The following OTUD3 variants were observed in gnomAD, a reference collection of about 807,000 sequenced individuals.
The protein encoded by OTUD3 is OTU domain-containing protein 3.
Under a neutral mutation model 46.2 loss-of-function variants are expected in OTUD3, and 24 were observed. The ratio of observed to expected loss-of-function variants is 0.52; its 90% CI spans 0.38 to 0.73. The LOEUF is 0.73. OTUD3 is among the 30% of genes least tolerant of loss of function. OTUD3 has a pLI of 0.00. For synonymous variants in OTUD3, 189 were observed against 195.4 expected, an observed-to-expected ratio of 0.97 and a Z score of 0.27; for missense variants, 455 against 523.3, an observed-to-expected ratio of 0.87 and a Z score of 1.27.
chr1:19,894,320 G>T (rs1218027532), intron 2 of OTUD3, 48 bp from the exon 3 acceptor site: 1 of 1,084,850 alleles, frequency 9.2e-7, no homozygotes, highest in Non-Finnish European at 1.4e-6. Flanking sequence ...TTTGCATTTA[G>T]ATTTTTCCAC....
chr1:19,909,213 C>T lies in OTUD3; in HGVS notation c.*1467C>T, dbSNP rs1282221113. 4 of 152,166 alleles carry T rather than the reference C, an allele frequency of 2.6e-5. No homozygotes were observed. The highest frequency in any genetic ancestry group is 1.3e-4 in the Admixed American group (2 of 15,262). The allele number at this position is 152,166 out of a possible 1,614,324, so 9.4% of individuals were successfully genotyped here. A position where few individuals can be genotyped will look rare whatever the true frequency, so the allele number is the denominator to read the frequency against. On this transcript the variant is annotated 3_prime_UTR_variant, in exon 8 of 8. Coordinates refer to ENST00000375120, the MANE Select transcript of OTUD3 (RefSeq NM_015207.2). ...TAAAATGTTTGGTAGGCCCTGGAGT[C>T]GCCAGATTGTCTTTATCACCAGGCC...
chr1:19,894,669 G>A (rs186566391), intron 3 of OTUD3, among the ~76,000 whole-genome samples, 189 bp downstream of exon 3: 109 of 152,278 alleles, frequency 7.2e-4, no homozygotes, highest in Admixed American at 2.0e-3. Flanking sequence ...AATGGAGTCC[G>A]GAGTATAATT....
chr1:19,897,455 T>G, intron 3 of OTUD3, 85 bp from the exon 4 acceptor site: 1 of 1,433,282 alleles, frequency 7.0e-7, no homozygotes, highest in Non-Finnish European at 9.6e-7. Flanking sequence ...TGACTGGGCT[T>G]CCTCAGCAGT....
intron 4 of OTUD3, among the ~76,000 whole-genome samples, chr1:19,901,483 GT>G (rs1284158503): frequency 6.6e-6 from 1 of 152,092 alleles, no homozygotes. Flanking sequence ...AATTACATAG[GT>G]ATCCCACAGA....
intron 3 of OTUD3, among the ~76,000 whole-genome samples, chr1:19,896,203 T>C (rs1399081556): frequency 1.3e-5 from 2 of 152,056 alleles, no homozygotes. Context: ...ACTCACACCA[T>C]GGAGATATTG....
At chr1:19,895,930 A>G (rs1266758673) in intron 3 of OTUD3, among the ~76,000 whole-genome samples, 1 of 152,130 alleles carries the variant, frequency 6.6e-6, no homozygotes, top group African/African-American at 2.4e-5. Context: ...TTTTTTCCCA[A>G]AGTTTCTTAG....
intron 3 of OTUD3, among the ~76,000 whole-genome samples, chr1:19,897,218 G>C (rs1322847402): frequency 6.6e-6 from 1 of 152,092 alleles, no homozygotes; most frequent in Non-Finnish European, 1.5e-5. Context: ...CCTTGGAAGG[G>C]GCTTGTGCAT....
chr1:19,898,792 A>C (rs2045550600), intron 4 of OTUD3, among the ~76,000 whole-genome samples: 2 of 151,988 alleles, frequency 1.3e-5, no homozygotes, highest in Admixed American at 6.6e-5. Context: ...CACATGATCC[A>C]AAACCATTGT....
In OTUD3 at chr1:19,906,613, A is replaced by C; in HGVS notation, c.1017A>C (p.Ala339=). 1 of 1,606,596 alleles carries C rather than the reference A, an allele frequency of 6.2e-7. No homozygotes were observed. Among genetic ancestry groups the C allele is most frequent in the Non-Finnish European group, 8.5e-7 (1 of 1,176,522 alleles). The change falls in exon 7 of 8, where the codon GCA becomes GCC. Residue 339 remains alanine (A), a synonymous_variant. Transcript: ENST00000375120. Reference sequence around the variant, plus strand: ...ACAAAGCAAATAAAAACCAGCTCGCAAAGGTATGTAAGATGGGGTTGAATG... The same window carrying C: ...ACAAAGCAAATAAAAACCAGCTCGCCAAGGTATGTAAGATGGGGTTGAATG... ...EENKANKNQL[A]KVTNKQRREQ... is the part of the protein sequence containing the mutation.
At chr1:19,892,336 C>G (rs1031864547) in intron 2 of OTUD3, among the ~76,000 whole-genome samples, 1 of 152,154 alleles carries the variant, frequency 6.6e-6, no homozygotes, top group Non-Finnish European at 1.5e-5. Flanking sequence ...TCATAGTTAC[C>G]TGTTTTTAAT....
chr1:19,887,217 T>C (rs955782205), intron 1 of OTUD3, among the ~76,000 whole-genome samples: 1 of 152,076 alleles, frequency 6.6e-6, no homozygotes, highest in East Asian at 1.9e-4. Flanking sequence ...CCTGTGTAGC[T>C]GGGATTACAG....
At chr1:19,896,513 C>A (rs78183588) in intron 3 of OTUD3, among the ~76,000 whole-genome samples, 2,715 of 152,274 alleles carry the variant, frequency 0.018, 40 homozygotes, top group Non-Finnish European at 0.026. Flanking sequence ...ACCAGACTCT[C>A]TGCACTTGAG....
At chr1:19,898,905 G>T (rs772048063) in intron 4 of OTUD3, among the ~76,000 whole-genome samples, 2 of 152,088 alleles carry the variant, frequency 1.3e-5, no homozygotes, top group African/African-American at 2.4e-5. Context: ...TGTCTACGTG[G>T]ACTCCAGCGA....
intron 2 of OTUD3, among the ~76,000 whole-genome samples, chr1:19,893,879 A>C (rs1051745323): frequency 2.0e-4 from 31 of 152,230 alleles, no homozygotes; most frequent in Admixed American, 2.0e-3. Context: ...GGACCTTGGC[A>C]TTGGGCTGCG....
Position 19,907,664 on chromosome 1 carries a change from G to C in OTUD3, c.1115G>C (p.Ser372Thr). ...HRHKALESRG[S>T]HRDNNRSEAE... is the part of the protein sequence containing the mutation. ...CACAAAGCCCTGGAGAGCAGAGGTA[G>C]CCACAGGGACAATAACAGAAGCGAA... The change falls in exon 8 of 8, where the codon AGC (serine) becomes ACC (threonine). Residue 372 changes from serine (S) to threonine (T), a missense_variant. Physicochemically the swap from Ser to Thr is moderately conservative, Grantham distance 58. Transcript: ENST00000375120. The C allele has an allele frequency of 6.2e-7, 1 of 1,614,212 alleles. No homozygotes were observed. The highest frequency in any genetic ancestry group is 8.5e-7 in the Non-Finnish European group (1 of 1,180,024).
At chr1:19,905,337 G>GA (rs1404830871) in intron 6 of OTUD3, among the ~76,000 whole-genome samples, 2 of 152,120 alleles carry the variant, frequency 1.3e-5, no homozygotes, top group South Asian at 4.2e-4. Flanking sequence ...AATGGAGAGA[G>GA]AAATACCTTG....
At chr1:19,883,476 T>C (rs2045305527) in intron 1 of OTUD3, among the ~76,000 whole-genome samples, 3 of 152,158 alleles carry the variant, frequency 2.0e-5, no homozygotes, top group Non-Finnish European at 4.4e-5. Flanking sequence ...AGGATCCCCA[T>C]TGCAGGGGCA....
At chr1:19,906,756 T>G (rs946084494) in intron 7 of OTUD3, 140 bp downstream of exon 7, 25 of 753,736 alleles carry the variant, frequency 3.3e-5, no homozygotes, top group Admixed American at 1.2e-4. Context: ...TGCATAAAGC[T>G]ACATCAAGAA....
In OTUD3 at chr1:19,909,419, T is replaced by TC. The variant is rs760240744; in HGVS notation, c.*1674dup. The TC allele has an allele frequency of 6.6e-6, 1 of 152,378 alleles. No homozygotes were observed. Among genetic ancestry groups the TC allele is most frequent in the Non-Finnish European group, 1.5e-5 (1 of 68,036 alleles). The allele number at this position is 152,378 out of a possible 1,614,324, so 9.4% of individuals were successfully genotyped here. ...TAAAAAAAGTACACAGCATTTTTTT[T>TC]CTGTGCACGTCGCAGAGTCCTGAGC... On this transcript the variant is annotated 3_prime_UTR_variant, in exon 8 of 8. Coordinates refer to ENST00000375120, the MANE Select transcript of OTUD3 (RefSeq NM_015207.2).
Sources: allele counts gnomAD v4.1 joint callset (sites outside exome capture counted in the v4.1 genomes callset), GRCh38; gene constraint gnomAD v4.1.1; transcripts MANE v1.5; gene names NCBI Gene and HGNC (gene_info 2026-07-23, HGNC 2026-07-21).